The following RPS6KA6 variants were observed in gnomAD, a reference collection of about 807,000 sequenced individuals.
RPS6KA6 encodes ribosomal protein S6 kinase alpha-6.
RPS6KA6 carries 27 observed loss-of-function variants against 65.4 expected under a neutral mutation model. That is an observed-to-expected ratio of 0.41 (90% CI 0.30 to 0.57). The LOEUF (loss-of-function observed/expected upper bound fraction) is 0.57. RPS6KA6 is among the 20% of genes least tolerant of loss of function. The probability of loss-of-function intolerance (pLI) is 0.24; values close to 1 mark genes in which losing one functional copy is unlikely to be tolerated. For synonymous variants in RPS6KA6, 190 were observed against 184.2 expected, an observed-to-expected ratio of 1.03 and a Z score of -0.26; for missense variants, 486 against 555.6, an observed-to-expected ratio of 0.87 and a Z score of 1.26.
At chrX:84,070,795 A>G (rs1447843590) in intron 20 of RPS6KA6, among the ~76,000 whole-genome samples, 1 of 111,537 alleles carries the variant, frequency 9.0e-6, no homozygotes, top group Admixed American at 9.6e-5. Flanking sequence ...AATGATTTCA[A>G]TGAAACAAAC....
intron 16 of RPS6KA6, among the ~76,000 whole-genome samples, chrX:84,104,970 A>C (rs939749626): frequency 9.1e-6 from 1 of 110,347 alleles, no homozygotes; most frequent in Non-Finnish European, 1.9e-5. Context: ...CCTCTATCTC[A>C]ATTTTTTTAC....
rs185034280 is a variant in RPS6KA6 at position 84,171,929 on chromosome X, G to T, written c.82-7542C>A. 1.7e-3 allele frequency among the ~76,000 whole-genome samples: 188 copies of T among 111,040 alleles called. 1 individual carries two copies. Among genetic ancestry groups the T allele is most frequent in the Non-Finnish European group, 2.5e-3 (134 of 53,026 alleles). The stretch of plus-strand genomic sequence containing the variant: ...ATCCCACTTATGAGTGAGAACATGT[G>T]GTGTTCGGTTTTCTGTCCCTGTGTT... On this transcript the variant is annotated intron_variant, in intron 1 of 21. Transcript: ENST00000262752.
chrX:84,067,196 C>T (rs1305327165), intron 20 of RPS6KA6, among the ~76,000 whole-genome samples: 1 of 111,797 alleles, frequency 8.9e-6, no homozygotes, highest in Non-Finnish European at 1.9e-5. Flanking sequence ...GCTGAAAATT[C>T]CAAAAAATAG....
At position 84,117,104 on chromosome X, in the gene RPS6KA6, C is replaced by T; in HGVS notation, c.905G>A (p.Ser302Asn). The change falls in exon 11 of 22, where the codon AGT becomes AAT. Residue 302 changes from serine (S) to asparagine (N), a missense_variant. Physicochemically the swap from Ser to Asn is conservative, Grantham distance 46. Around this residue, in one of 3 missense-constraint regions of RPS6KA6, gnomAD observed 345 missense variants for 375.0 expected, o/e 0.92. Transcript: ENST00000262752. ...CCTTTTGAATAACATCCTTAGAAGACTTTGTGCTTCAGCACTAAGAAATTG... is the reference window on the plus strand; with the variant it reads ...CCTTTTGAATAACATCCTTAGAAGATTTTGTGCTTCAGCACTAAGAAATTG... ...MPQFLSAEAQ[S>N]LLRMLFKRNP... is the part of the protein sequence containing the mutation. 8.4e-7 allele frequency: 1 copy of T among 1,195,067 alleles called. No homozygotes were observed. Among genetic ancestry groups the T allele is most frequent in the Non-Finnish European group, 1.1e-6 (1 of 886,104 alleles).
chrX:84,140,691 G>A (rs1468089209), intron 6 of RPS6KA6, among the ~76,000 whole-genome samples: 3 of 89,246 alleles, frequency 3.4e-5, no homozygotes, highest in Admixed American at 1.6e-4. Flanking sequence ...CTGAGATCAC[G>A]CTACTGCACT....
rs750832618 is a variant in RPS6KA6 at position 84,104,590 on chromosome X, C to T, written c.1523G>A (p.Arg508His). 62 of 1,179,020 alleles carry T rather than the reference C, an allele frequency of 5.3e-5. No individual in the cohort carries two copies. Among genetic ancestry groups the T allele is most frequent in the Admixed American group, 5.2e-4 (23 of 43,943 alleles). ...CGAGAAACATTTTTGTTTGAGAATA[C>T]GGTCAAGTAACTCTCCTCCTTTCAT... The part of the protein sequence containing the change: ...DLMKGGELLD[R>H]ILKQKCFSER... Residue 508 changes from arginine to histidine, a missense_variant, in exon 17 of 22, where the codon CGT (arginine) becomes CAT (histidine). Coordinates refer to ENST00000262752, the MANE Select transcript of RPS6KA6 (RefSeq NM_014496.5).
chrX:84,101,990 C>G, intron 18 of RPS6KA6, 47 bp downstream of exon 18: 1 of 1,054,986 alleles, frequency 9.5e-7, no homozygotes, highest in Non-Finnish European at 1.3e-6. Context: ...ATAGATTCAA[C>G]TAAAGGAAAA....
intron 1 of RPS6KA6, among the ~76,000 whole-genome samples, chrX:84,184,525 C>T (rs993527348): frequency 9.0e-6 from 1 of 111,652 alleles, no homozygotes; most frequent in African/African-American, 3.3e-5. Flanking sequence ...GGTTAGGTAA[C>T]GTGGATTGTG....
chrX:84,151,027 TATAG>T (rs1415431451), intron 3 of RPS6KA6, among the ~76,000 whole-genome samples: 2 of 36,202 alleles, frequency 5.5e-5, no homozygotes, highest in Non-Finnish European at 9.4e-5. Context: ...AGAGAGGATA[TATAG>T]AGAGGATATA....
chrX:84,150,860 G>GAGGATATATAT lies in RPS6KA6; in HGVS notation c.259-2748_259-2738dup, dbSNP rs764793687. ...GATATATATAGGATATATATATATA[G>GAGGATATATAT]AGGATATATATAGGATATATATATA... is the stretch of plus-strand genomic sequence containing the variant. On this transcript the variant is annotated intron_variant, in intron 3 of 21. Coordinates refer to ENST00000262752, the MANE Select transcript of RPS6KA6 (RefSeq NM_014496.5). Among the ~76,000 whole-genome samples, 914 of 92,920 alleles carry GAGGATATATAT rather than the reference G, an allele frequency of 9.8e-3. 6 individuals carry two copies. Among genetic ancestry groups the GAGGATATATAT allele is most frequent in the East Asian group, 0.053 (136 of 2,561 alleles). The allele number at this position is 92,920 out of a possible 115,157, so 80.7% of individuals were successfully genotyped here. A position where few individuals can be genotyped will look rare whatever the true frequency, so the allele number is the denominator to read the frequency against.
chrX:84,101,977 C>T, intron 18 of RPS6KA6, 60 bp downstream of exon 18: 1 of 945,602 alleles, frequency 1.1e-6, no homozygotes, highest in Admixed American at 3.0e-5. Context: ...CATATGGCAT[C>T]ATATAGATTC....
rs1331112618 is a variant in RPS6KA6 at position 84,134,484 on chromosome X, GTGA to G, written c.646+295_646+297del. On this transcript the variant is annotated intron_variant, in intron 8 of 21. Transcript: ENST00000262752. ...GGAAGGTTGTCACTATATTTCAAAT[GTGA>G]TGACTACTTGTGATACATCTTTCTG... is the stretch of plus-strand genomic sequence containing the variant. 3.2e-4 allele frequency among the ~76,000 whole-genome samples: 36 copies of G among 111,332 alleles called. 1 individual carries two copies. Among genetic ancestry groups the G allele is most frequent in the African/African-American group, 1.2e-3 (36 of 30,817 alleles).
chrX:84,136,161 G>T (rs1257591869), intron 6 of RPS6KA6, among the ~76,000 whole-genome samples: 1 of 111,537 alleles, frequency 9.0e-6, no homozygotes, highest in African/African-American at 3.2e-5. Context: ...ACACTAATCA[G>T]CCATTAGATG....
At chrX:84,114,820 C>G (rs1307277834) in intron 12 of RPS6KA6, among the ~76,000 whole-genome samples, 2 of 112,019 alleles carry the variant, frequency 1.8e-5, no homozygotes, top group African/African-American at 6.5e-5. Context: ...CTATAGCCAT[C>G]TGATTTTCTA....
At chrX:84,188,294 C>T (rs1287351802), upstream of RPS6KA6, among the ~76,000 whole-genome samples, 3 of 110,569 alleles carry the variant, frequency 2.7e-5, no homozygotes, top group Admixed American at 9.5e-5. Context: ...CCTGGACCCC[C>T]CCACGGCGGC....
intron 12 of RPS6KA6, among the ~76,000 whole-genome samples, chrX:84,110,061 A>G (rs1301818838): frequency 9.0e-6 from 1 of 111,595 alleles, no homozygotes; most frequent in Non-Finnish European, 1.9e-5. Flanking sequence ...TGAGTCACAA[A>G]GCTGTGTGTA....
chrX:84,092,023 G>A (rs1188045116), intron 20 of RPS6KA6, among the ~76,000 whole-genome samples: 1 of 110,448 alleles, frequency 9.1e-6, no homozygotes, highest in Non-Finnish European at 1.9e-5. Context: ...ACACAATCAG[G>A]ACCTGGTCCT....
At chrX:84,178,795 C>T (rs1214112942) in intron 1 of RPS6KA6, among the ~76,000 whole-genome samples, 2 of 110,540 alleles carry the variant, frequency 1.8e-5, no homozygotes, top group African/African-American at 6.6e-5. Context: ...GGATCAAAGA[C>T]CTAAATTAAG....
intron 17 of RPS6KA6, among the ~76,000 whole-genome samples, chrX:84,103,828 G>C (rs1569385909): frequency 9.0e-6 from 1 of 111,040 alleles, no homozygotes; most frequent in African/African-American, 3.3e-5. Context: ...GGCTCATGCA[G>C]AGTTTTCATT....
Sources: gnomAD v4.1 joint callset for allele counts (sites outside exome capture counted in the v4.1 genomes callset) on GRCh38, gnomAD v4.1.1 for gene constraint, gnomAD v4.1.1 regional missense constraint, MANE v1.5 for transcripts, NCBI Gene and HGNC (gene_info 2026-07-23, HGNC 2026-07-21) for gene names.